RAD52: variants seen among roughly 807,000 people sequenced by gnomAD.
The protein encoded by RAD52 is RAD52 DNA repair protein.
In RAD52, 47 loss-of-function variants were observed where a neutral mutation model predicts 55.5. The ratio of observed to expected loss-of-function variants is 0.85; its 90% CI spans 0.67 to 1.08. The LOEUF is 1.08. Among genes scored for constraint, RAD52 ranks in the 50% least tolerant of loss-of-function variants. The probability of loss-of-function intolerance (pLI) is 0.00; values close to 1 mark genes in which losing one functional copy is unlikely to be tolerated. For missense variants in RAD52, 468 were observed against 522.8 expected (o/e 0.90, Z 1.02); for synonymous variants, 184 against 198.9 (o/e 0.92, Z 0.63).
At chr12:971,982 T>G (rs938077018) in intron 1 of RAD52, among the ~76,000 whole-genome samples, 1 of 152,198 alleles carries the variant, frequency 6.6e-6, no homozygotes, top group African/African-American at 2.4e-5. Flanking sequence ...TCTCCTGACC[T>G]CGTGATCCGC....
chr12:928,615 A>G (rs1005431699), intron 5 of RAD52, among the ~76,000 whole-genome samples: 1 of 152,032 alleles, frequency 6.6e-6, no homozygotes, highest in Admixed American at 6.6e-5. Flanking sequence ...ATTAAGATAT[A>G]CATTTTCCAT....
chr12:935,165 T>C (rs1957546370), intron 1 of RAD52, among the ~76,000 whole-genome samples: 1 of 151,786 alleles, frequency 6.6e-6, no homozygotes, highest in African/African-American at 2.4e-5. Context: ...TGCTCACTAC[T>C]ATATAGGCAG....
intron 1 of RAD52, among the ~76,000 whole-genome samples, chr12:986,128 T>G (rs1320731731): frequency 6.6e-6 from 1 of 151,458 alleles, no homozygotes; most frequent in African/African-American, 2.4e-5. Flanking sequence ...GAGATGGGGT[T>G]TTTCCATGTT....
chr12:988,530 G>A (rs552438147), intron 1 of RAD52, among the ~76,000 whole-genome samples: 3 of 152,174 alleles, frequency 2.0e-5, no homozygotes, highest in Non-Finnish European at 4.4e-5. Context: ...CTGCAGCTGG[G>A]TAATTTATAA....
chr12:916,398 G>A lies in RAD52; in HGVS notation c.811C>T (p.Arg271Trp), dbSNP rs2154108549. Reference protein sequence around the residue: ...QKQLQQQFRERMEKQQVRVST... With the variant: ...QKQLQQQFREWMEKQQVRVST... ...ACTCGAACCTGCTGCTTCTCCATCC[G>A]CTCCCGGAACTGCTGCTGCAGCTGC... Residue 271 changes from arginine (R) to tryptophan (W), a missense_variant, in exon 9 of 12, where the codon CGG (arginine) becomes TGG (tryptophan). Transcript: ENST00000358495. The A allele has an allele frequency of 6.2e-7, 1 of 1,608,718 alleles. No homozygotes were observed. Among genetic ancestry groups the A allele is most frequent in the Non-Finnish European group, 8.5e-7 (1 of 1,179,616 alleles).
chr12:987,335 T>C (rs1959099484), intron 1 of RAD52, among the ~76,000 whole-genome samples: 1 of 150,082 alleles, frequency 6.7e-6, no homozygotes, highest in Non-Finnish European at 1.5e-5. Context: ...GAATCTTCTT[T>C]ATATTTAGAG....
intron 1 of RAD52, among the ~76,000 whole-genome samples, chr12:985,349 C>T (rs185578451): frequency 1.1e-4 from 16 of 152,056 alleles, no homozygotes; most frequent in African/African-American, 3.4e-4. Context: ...CTTTATGTTG[C>T]CCAGGCTGGT....
intron 1 of RAD52, among the ~76,000 whole-genome samples, chr12:961,762 T>C (rs78493973): frequency 6.6e-6 from 1 of 151,556 alleles, no homozygotes; most frequent in South Asian, 2.1e-4. Flanking sequence ...ACTCGGGAGG[T>C]TGGAGCAGTA....
At chr12:987,876 C>A (rs565274607) in intron 1 of RAD52, among the ~76,000 whole-genome samples, 15 of 152,000 alleles carry the variant, frequency 9.9e-5, no homozygotes, top group Non-Finnish European at 1.6e-4. Context: ...TTTCTTTTTT[C>A]TTTTTTGAAA....
chr12:987,036 T>G (rs572727478), intron 1 of RAD52, among the ~76,000 whole-genome samples: 1 of 152,254 alleles, frequency 6.6e-6, no homozygotes, highest in South Asian at 2.1e-4. Flanking sequence ...AATGGCACAA[T>G]CTCGGCTGAC....
chr12:980,121 C>T (rs1162697472), intron 1 of RAD52, among the ~76,000 whole-genome samples: 9 of 151,682 alleles, frequency 5.9e-5, no homozygotes, highest in African/African-American at 2.2e-4. Context: ...ACCTGCGAGG[C>T]GGAGGTTGCA....
chr12:923,616 G>A lies in RAD52; in HGVS notation c.543+1834C>T, dbSNP rs73027365. Among the ~76,000 whole-genome samples, 485 of 151,788 alleles carry A rather than the reference G, an allele frequency of 3.2e-3. 1 individual carries two copies. The highest frequency in any genetic ancestry group is 5.0e-3 in the Non-Finnish European group (341 of 67,944). Reference sequence around the variant, plus strand: ...AAAGAAAGTGGAAGTAGTTACAAGGGTCTGGGAAAGGGGGAAATGCGGAGT... The same window carrying A: ...AAAGAAAGTGGAAGTAGTTACAAGGATCTGGGAAAGGGGGAAATGCGGAGT... On this transcript the variant is annotated intron_variant, in intron 7 of 11. Coordinates refer to ENST00000358495, the MANE Select transcript of RAD52 (RefSeq NM_134424.4).
chr12:953,771 T>C (rs1035979506), upstream of RAD52, among the ~76,000 whole-genome samples: 1 of 152,226 alleles, frequency 6.6e-6, no homozygotes, highest in Non-Finnish European at 1.5e-5. Flanking sequence ...GCATTTCCCA[T>C]GGTGTACATC....
chr12:984,542 GT>G (rs1959060845), intron 1 of RAD52, among the ~76,000 whole-genome samples: 1 of 151,638 alleles, frequency 6.6e-6, no homozygotes, highest in African/African-American at 2.4e-5. Flanking sequence ...TCATATGAAT[GT>G]AATCATATAA....
intron 7 of RAD52, among the ~76,000 whole-genome samples, chr12:917,770 C>CA (rs71055103): frequency 0.14 from 14,933 of 107,230 alleles, 1,046 homozygotes; most frequent in South Asian, 0.22. Context: ...ACTAAAAATA[C>CA]AAAAAAAAAA....
Position 914,022 on chromosome 12 carries a change from T to A in RAD52, c.1067A>T (p.Asp356Val). 6 of 1,614,198 alleles carry A rather than the reference T, an allele frequency of 3.7e-6. No individual in the cohort carries two copies. The highest frequency in any genetic ancestry group is 4.2e-6 in the Non-Finnish European group (5 of 1,180,024). ...CATCTGGTTGTTCAAGGCTAATGTG[T>A]CAGAGGTCTGGGCTGGGTCTGCTCT... ...SSRADPAQTS[D>V]TLALNNQMVT... The change falls in exon 11 of 12, where the codon GAC becomes GTC. Residue 356 changes from aspartate (D) to valine (V), a missense_variant. Transcript: ENST00000358495.
At chr12:913,503 C>A in intron 11 of RAD52, 51 bp from the exon 12 acceptor site, 1 of 1,287,278 alleles carries the variant, frequency 7.8e-7, no homozygotes, top group South Asian at 1.2e-5. Context: ...TTAAAATAAA[C>A]TGACAGCTAA....
At chr12:925,245 C>T (rs1410171567) in intron 7 of RAD52, among the ~76,000 whole-genome samples, 4 of 152,162 alleles carry the variant, frequency 2.6e-5, no homozygotes, top group East Asian at 1.9e-4. Flanking sequence ...CCACGGTCCC[C>T]GGCCCACATG....
chr12:972,995 G>A (rs1958884785), intron 1 of RAD52, among the ~76,000 whole-genome samples: 1 of 152,094 alleles, frequency 6.6e-6, no homozygotes, highest in African/African-American at 2.4e-5. Context: ...TTTTGTGCAA[G>A]AAAGTGACAG....
Sources: gnomAD v4.1 joint callset for allele counts (sites outside exome capture counted in the v4.1 genomes callset) on GRCh38, gnomAD v4.1.1 for gene constraint, MANE v1.5 for transcripts, NCBI Gene and HGNC (gene_info 2026-07-23, HGNC 2026-07-21) for gene names.